The following TAPBPL variants were observed in gnomAD, a reference collection of about 807,000 sequenced individuals.
The protein encoded by TAPBPL is tapasin-related protein.
Under a neutral mutation model 44.8 loss-of-function variants are expected in TAPBPL, and 32 were observed. The ratio of observed to expected loss-of-function variants is 0.71; its 90% CI spans 0.54 to 0.96. The LOEUF (loss-of-function observed/expected upper bound fraction) is 0.96. Among genes scored for constraint, TAPBPL ranks in the 40% least tolerant of loss-of-function variants. The pLI is 0.00. For synonymous variants in TAPBPL, 230 were observed against 240.7 expected, an observed-to-expected ratio of 0.96 and a Z score of 0.41; for missense variants, 520 against 586.6, an observed-to-expected ratio of 0.89 and a Z score of 1.17.
downstream of TAPBPL, chr12:6,470,747 C>T (rs2137018261): frequency 4.8e-6 from 3 of 624,700 alleles, no homozygotes; most frequent in Admixed American, 2.6e-5. Flanking sequence ...GACAACCCCG[C>T]GGCCCAATCC....
rs1010092748 is a variant in TAPBPL, at chr12:6,462,196, A to T, written c.*47A>T. 6.1e-6 allele frequency: 9 copies of T among 1,487,534 alleles called. No individual in the cohort carries two copies. Among genetic ancestry groups the T allele is most frequent in the Non-Finnish European group, 8.2e-6 (9 of 1,091,236 alleles). The allele number at this position is 1,487,534 out of a possible 1,614,324, so 92.1% of individuals were successfully genotyped here. On this transcript the variant is annotated 3_prime_UTR_variant, in exon 7 of 7. Transcript: ENST00000266556. The stretch of plus-strand genomic sequence containing the variant: ...TAGAAAGAAACGACACCCTTCCCCA[A>T]GCCCCCACAGCTACTCCAACCCAAA...
downstream of TAPBPL, among the ~76,000 whole-genome samples, chr12:6,467,939 CGG>C (rs200442132): frequency 0.029 from 4,482 of 152,326 alleles, 88 homozygotes; most frequent in Non-Finnish European, 0.044. Context: ...AACTGAGGTT[CGG>C]GAACCTCCGT....
Position 6,453,288 on chromosome 12 carries a change from G to C in TAPBPL, c.286G>C (p.Glu96Gln). Residue 96 changes from glutamate to glutamine, a missense_variant, in exon 2 of 7, where the codon GAG becomes CAG. Glu to Gln is a conservative substitution (Grantham distance 29). Coordinates refer to ENST00000266556, the MANE Select transcript of TAPBPL (RefSeq NM_018009.5). This position sits in a 1 kb window ranked among gnomAD's most constrained non-coding sequence, Gnocchi z 4.8. ...LAQDDPPIIFEASVDLVQIPQ... is the reference protein window; with the variant it reads ...LAQDDPPIIFQASVDLVQIPQ... The stretch of plus-strand genomic sequence containing the variant: ...CCAAGATGACCCACCTATTATCTTT[G>C]AGGCCTCAGGTAAAAGCCTTCCACC... 1 of 1,613,848 alleles carries C rather than the reference G, an allele frequency of 6.2e-7. No individual in the cohort carries two copies. Among genetic ancestry groups the C allele is most frequent in the Non-Finnish European group, 8.5e-7 (1 of 1,179,926 alleles).
At chr12:6,459,128 T>C (rs542898926) in intron 5 of TAPBPL, among the ~76,000 whole-genome samples, 181 bp downstream of exon 5, 2 of 152,250 alleles carry the variant, frequency 1.3e-5, no homozygotes, top group South Asian at 4.2e-4. Context: ...CTACCACACA[T>C]CCCCTGAGAC....
chr12:6,466,525 C>CA (rs1950030066), downstream of TAPBPL: 1 of 593,716 alleles, frequency 1.7e-6, no homozygotes, highest in Admixed American at 3.6e-5. Flanking sequence ...TCTAAAAAAA[C>CA]AGACAAAAAG....
chr12:6,468,412 G>A (rs1379703822), downstream of TAPBPL, among the ~76,000 whole-genome samples: 3 of 152,238 alleles, frequency 2.0e-5, no homozygotes, highest in Admixed American at 1.3e-4. Context: ...AGTGAGTCAG[G>A]ACTGTTTGTT....
chr12:6,457,404 A>G lies in TAPBPL; in HGVS notation c.566-2A>G. ...AAATCACCCCTCTTTTCCTCTTCAC[A>G]GTGGAGTTCCAGGTGATGACACAGA... On this transcript the variant is annotated splice_acceptor_variant, in intron 3 of 6. Transcript: ENST00000266556. LOFTEE classifies it high-confidence loss of function. 1.2e-6 allele frequency: 2 copies of G among 1,612,140 alleles called. No homozygotes were observed. Among genetic ancestry groups the G allele is most frequent in the Non-Finnish European group, 1.7e-6 (2 of 1,178,596 alleles).
At chr12:6,462,368 A>C (rs1419299540), downstream of TAPBPL, 1 of 510,270 alleles carries the variant, frequency 2.0e-6, no homozygotes, top group Non-Finnish European at 3.5e-6. Flanking sequence ...GTTAGGAAAA[A>C]AAGACAAAGA....
At chr12:6,463,168 G>T (rs1592144317), downstream of TAPBPL, 1 of 1,443,128 alleles carries the variant, frequency 6.9e-7, no homozygotes, top group Non-Finnish European at 9.1e-7. The surrounding 1 kb of genome is among the most constrained non-coding windows in gnomAD (Gnocchi z 4.0). Flanking sequence ...ATGCAAAGAG[G>T]AGGAAGAGAA....
In TAPBPL at chr12:6,456,364, C is replaced by CTT. The variant is rs542812394; in HGVS notation, c.566-1027_566-1026dup. Reference sequence around the variant, plus strand: ...TTGGCACAGATACTACTATCACATGCTTTTTTTTTTTTTTTTCGATATGGA... The same window carrying CTT: ...TTGGCACAGATACTACTATCACATGCTTTTTTTTTTTTTTTTTTCGATATGGA... On this transcript the variant is annotated intron_variant, in intron 3 of 6. Coordinates refer to ENST00000266556, the MANE Select transcript of TAPBPL (RefSeq NM_018009.5). Among the ~76,000 whole-genome samples, 228 of 134,342 alleles carry CTT rather than the reference C, an allele frequency of 1.7e-3. 1 individual carries two copies. The highest frequency in any genetic ancestry group is 5.2e-3 in the Admixed American group (69 of 13,180). 88.1% of individuals were successfully genotyped at this position (134,342 alleles called of 152,430 possible).
chr12:6,471,119 CCCTCGCTCCGCA>C (rs1945765956), downstream of TAPBPL: 1 of 154,292 alleles, frequency 6.5e-6, no homozygotes, highest in Admixed American at 6.4e-5. This position sits in a 1 kb window ranked among gnomAD's most constrained non-coding sequence, Gnocchi z 4.0. Context: ...CCTGCTCTGG[CCCTCGCTCCGCA>C]CCACCGCCCC....
At chr12:6,469,851 A>G (rs761621755), downstream of TAPBPL, among the ~76,000 whole-genome samples, 47 of 152,146 alleles carry the variant, frequency 3.1e-4, no homozygotes, top group Non-Finnish European at 3.8e-4. Flanking sequence ...AGCTCTCCCT[A>G]TTTCTCCTCC....
chr12:6,460,834 CCACGTTGCTCT>C lies in TAPBPL; in HGVS notation c.1208-17_1208-7del. On this transcript the variant is annotated splice_polypyrimidine_tract_variant and intron_variant, in intron 5 of 6. Transcript: ENST00000266556. ...GATTCCTGCGCACGATGATCCCCGC[CCACGTTGCTCT>C]CACCTACAGAGCGGAGAACAGCCTT... The C allele has an allele frequency of 6.2e-7, 1 of 1,613,392 alleles. No homozygotes were observed. Among genetic ancestry groups the C allele is most frequent in the Non-Finnish European group, 8.5e-7 (1 of 1,179,346 alleles).
intron 5 of TAPBPL, among the ~76,000 whole-genome samples, chr12:6,459,211 A>G (rs1949781360): frequency 6.6e-6 from 1 of 152,214 alleles, no homozygotes; most frequent in South Asian, 2.1e-4. Flanking sequence ...ATAATTCCTG[A>G]TCATGCCCTC....
rs374333373 is a variant in TAPBPL, at chr12:6,457,622, G to A, written c.782G>A (p.Gly261Asp). Residue 261 changes from glycine (G) to aspartate (D), a missense_variant, in exon 4 of 7, where the codon GGC becomes GAC. Physicochemically the swap from Gly to Asp is moderately conservative, Grantham distance 94 (BLOSUM62 -1). Coordinates refer to ENST00000266556, the MANE Select transcript of TAPBPL (RefSeq NM_018009.5). ...GCTACCCTGGAGCCTGCACAACTGG[G>A]CATGGCCAGGGATGCCTCCCTCACC... is the stretch of plus-strand genomic sequence containing the variant. ...KGATLEPAQL[G>D]MARDASLTLP... 3 of 1,614,082 alleles carry A rather than the reference G, an allele frequency of 1.9e-6. No homozygotes were observed. The highest frequency in any genetic ancestry group is 2.5e-6 in the Non-Finnish European group (3 of 1,180,034).
downstream of TAPBPL, chr12:6,465,984 C>T (rs754046104): frequency 2.8e-5 from 46 of 1,614,134 alleles, no homozygotes; most frequent in East Asian, 6.7e-4. Context: ...CACGTTCACA[C>T]GTATGATGTC....
downstream of TAPBPL, chr12:6,465,089 G>C: frequency 1.7e-6 from 2 of 1,157,282 alleles, no homozygotes; most frequent in Non-Finnish European, 2.4e-6. Flanking sequence ...CTCTTAGAGA[G>C]GCCCTACCCT....
downstream of TAPBPL, chr12:6,466,640 C>T (rs1019880551): frequency 3.8e-6 from 1 of 259,892 alleles, no homozygotes; most frequent in Non-Finnish European, 7.4e-6. Flanking sequence ...AGTAGGGAGA[C>T]AAACCATAGA....
downstream of TAPBPL, chr12:6,462,621 G>A (rs1201139029): frequency 3.2e-6 from 2 of 625,942 alleles, no homozygotes; most frequent in African/African-American, 3.7e-5. Context: ...CACCTGGTGA[G>A]CCTCAGAGGG....
Sources: allele counts gnomAD v4.1 joint callset (sites outside exome capture counted in the v4.1 genomes callset), GRCh38; gene constraint gnomAD v4.1.1; non-coding constraint Gnocchi (gnomAD v3.1); transcripts MANE v1.5; gene names NCBI Gene and HGNC (gene_info 2026-07-23, HGNC 2026-07-21).